The following PIK3R3 variants were observed in gnomAD, a reference collection of about 807,000 sequenced individuals.
The protein encoded by PIK3R3 is phosphatidylinositol 3-kinase regulatory subunit gamma.
Under a neutral mutation model 62.9 loss-of-function variants are expected in PIK3R3, and 64 were observed. The ratio of observed to expected loss-of-function variants is 1.02; its 90% CI spans 0.83 to 1.25. The LOEUF (loss-of-function observed/expected upper bound fraction) is 1.25, where lower values mean the gene tolerates loss of function less well. PIK3R3 is among the 50% of genes most tolerant of loss of function. The pLI is 0.00. For synonymous variants in PIK3R3, 165 were observed against 189.0 expected (o/e 0.87, Z 1.04); for missense variants, 614 against 561.6 (o/e 1.09, Z -0.94).
At chr1:46,118,501 G>C (rs886465100) in intron 1 of PIK3R3, among the ~76,000 whole-genome samples, 1 of 151,136 alleles carries the variant, frequency 6.6e-6, no homozygotes, top group African/African-American at 2.4e-5. Flanking sequence ...TCTTACAATG[G>C]CTTACAATGG....
chr1:46,050,933 G>T (rs1571355032), intron 7 of PIK3R3, among the ~76,000 whole-genome samples: 1 of 152,302 alleles, frequency 6.6e-6, no homozygotes, highest in Middle Eastern at 3.4e-3. Context: ...CTAAGTGAAA[G>T]AAGCCAGTCA....
chr1:46,171,716 G>T, the PIK3R3 span, among the ~76,000 whole-genome samples: 1 of 152,120 alleles, frequency 6.6e-6, no homozygotes, highest in Admixed American at 6.5e-5. Flanking sequence ...GGGGGCAGGA[G>T]TTGGGGTCTG....
intron 7 of PIK3R3, among the ~76,000 whole-genome samples, chr1:46,048,983 T>C (rs914233569): frequency 2.6e-5 from 4 of 152,168 alleles, no homozygotes; most frequent in Non-Finnish European, 4.4e-5. Flanking sequence ...CACAAATAGA[T>C]GCAATAAATT....
chr1:46,145,988 A>G, the PIK3R3 span, among the ~76,000 whole-genome samples: 2 of 152,188 alleles, frequency 1.3e-5, no homozygotes, highest in Non-Finnish European at 2.9e-5. Context: ...GGCCATATGG[A>G]TTTCTCATCC....
upstream of PIK3R3, among the ~76,000 whole-genome samples, chr1:46,136,029 CAAAAA>C (rs552872602): frequency 2.3e-5 from 1 of 43,290 alleles, no homozygotes. Flanking sequence ...GACTCAGTCT[CAAAAA>C]AAAAAAAAAA....
intron 1 of PIK3R3, among the ~76,000 whole-genome samples, chr1:46,095,753 T>G (rs1652064525): frequency 6.6e-6 from 1 of 152,228 alleles, no homozygotes; most frequent in Admixed American, 6.5e-5. Context: ...GATACATTAA[T>G]GTGATTCTCC....
intron 1 of PIK3R3, among the ~76,000 whole-genome samples, chr1:46,120,487 C>T (rs1203753326): frequency 1.1e-4 from 16 of 152,126 alleles, no homozygotes; most frequent in Admixed American, 9.2e-4. Flanking sequence ...GCAGGAGAAT[C>T]GCTTGAACCC....
intron 3 of PIK3R3, among the ~76,000 whole-genome samples, chr1:46,076,302 G>A (rs1406170806): frequency 1.3e-5 from 2 of 152,204 alleles, no homozygotes; most frequent in African/African-American, 2.4e-5. Context: ...TTAAAATTTA[G>A]ATATTGAGCA....
chr1:46,040,381 C>G lies in PIK3R3; in HGVS notation c.*3292G>C, dbSNP rs1646973448. Reference sequence around the variant, plus strand: ...ACATACAGTTGGCTTTCTTGTGAGTCAGATATTTTTACGTAAACTACACGA... The same window carrying G: ...ACATACAGTTGGCTTTCTTGTGAGTGAGATATTTTTACGTAAACTACACGA... On this transcript the variant is annotated 3_prime_UTR_variant, in exon 10 of 10. Transcript: ENST00000262741. The G allele has an allele frequency of 4.3e-6, 1 of 231,202 alleles. No homozygotes were observed. The highest frequency in any genetic ancestry group is 8.6e-6 in the Non-Finnish European group (1 of 116,684). The allele number at this position is 231,202 out of a possible 1,614,324, so 14.3% of individuals were successfully genotyped here. A position where few individuals can be genotyped will look rare whatever the true frequency, so the allele number is the denominator to read the frequency against.
chr1:46,162,655 T>C, the PIK3R3 span, among the ~76,000 whole-genome samples: 3,187 of 152,250 alleles, frequency 0.021, 109 homozygotes, highest in African/African-American at 0.07. Context: ...AGAGTCTTGC[T>C]CTGTCGCCCA....
At chr1:46,110,413 G>A (rs1298516990) in intron 1 of PIK3R3, among the ~76,000 whole-genome samples, 1 of 151,538 alleles carries the variant, frequency 6.6e-6, no homozygotes, top group Non-Finnish European at 1.5e-5. Flanking sequence ...TGAGCCACCA[G>A]GCTCAGCCTG....
intron 1 of PIK3R3, among the ~76,000 whole-genome samples, chr1:46,093,820 A>C (rs555308740): frequency 6.7e-6 from 1 of 148,538 alleles, no homozygotes; most frequent in African/African-American, 2.5e-5. Flanking sequence ...ATGCCACTGC[A>C]CTCCAGTCTG....
intron 1 of PIK3R3, among the ~76,000 whole-genome samples, chr1:46,091,044 G>T (rs983017246): frequency 1.6e-4 from 24 of 152,020 alleles, no homozygotes; most frequent in Admixed American, 1.4e-3. Context: ...TGCCCAGGCT[G>T]GTCTCAAACT....
intron 1 of PIK3R3, 99 bp downstream of exon 1, chr1:46,131,748 G>C: frequency 1.8e-6 from 2 of 1,128,150 alleles, no homozygotes; most frequent in East Asian, 2.6e-5. Flanking sequence ...CCCGAACCTA[G>C]CGCACCCAGG....
upstream of PIK3R3, among the ~76,000 whole-genome samples, chr1:46,133,877 A>C (rs1054253685): frequency 1.3e-5 from 2 of 151,954 alleles, no homozygotes; most frequent in Admixed American, 6.6e-5. Flanking sequence ...AGGTGTTGGA[A>C]TCTCTCACCA....
At chr1:46,071,696 C>CAAAAAAAAAAAAAAAAAAA (rs1331276065) in intron 3 of PIK3R3, among the ~76,000 whole-genome samples, 5 of 17,252 alleles carry the variant, frequency 2.9e-4, no homozygotes, top group African/African-American at 6.9e-4. Context: ...ACTCTGTCTC[C>CAAAAAAAAAAAAAAAAAAA]AAAAAAAAAA....
intron 1 of PIK3R3, among the ~76,000 whole-genome samples, chr1:46,083,592 G>T (rs982340647): frequency 6.6e-6 from 1 of 152,014 alleles, no homozygotes; most frequent in Non-Finnish European, 1.5e-5. Context: ...TTCAATAAAA[G>T]ACAAATGACC....
the PIK3R3 span, among the ~76,000 whole-genome samples, chr1:46,167,617 C>T: frequency 3.3e-5 from 5 of 152,178 alleles, no homozygotes; most frequent in African/African-American, 1.2e-4. Flanking sequence ...TCACCAGGTT[C>T]CCCCTACCTG....
At chr1:46,121,323 C>G (rs1654651020) in intron 1 of PIK3R3, among the ~76,000 whole-genome samples, 2 of 152,030 alleles carry the variant, frequency 1.3e-5, no homozygotes, top group African/African-American at 4.8e-5. Flanking sequence ...TATTGAGTGA[C>G]CCTGTTGTAA....
Sources: allele counts gnomAD v4.1 joint callset (sites outside exome capture counted in the v4.1 genomes callset), GRCh38; gene constraint gnomAD v4.1.1; transcripts MANE v1.5; gene names NCBI Gene and HGNC (gene_info 2026-07-23, HGNC 2026-07-21).